The following GPC6 variants were observed in gnomAD, a reference collection of about 807,000 sequenced individuals.
GPC6 encodes glypican 6.
GPC6 carries 14 observed loss-of-function variants against 55.2 expected under a neutral mutation model. The observed-to-expected ratio is 0.25, with a 90% CI of 0.17 to 0.40. GPC6 has a LOEUF of 0.40. GPC6 is among the 10% of genes least tolerant of loss of function. The pLI is 1.00. For missense variants in GPC6, 641 were observed against 708.5 expected (o/e 0.90, Z 1.08); for synonymous variants, 278 against 259.6 (o/e 1.07, Z -0.68).
intron 1 of GPC6, among the ~76,000 whole-genome samples, chr13:93,347,694 C>A (rs913841230): frequency 7.2e-5 from 11 of 152,160 alleles, no homozygotes; most frequent in Admixed American, 7.2e-4. Flanking sequence ...CATTCTGCAG[C>A]CTGCAAGCTT....
intron 3 of GPC6, among the ~76,000 whole-genome samples, chr13:93,965,958 C>T (rs985759890): frequency 2.6e-5 from 4 of 152,102 alleles, no homozygotes; most frequent in Non-Finnish European, 2.9e-5. Flanking sequence ...GCCCTCTTCC[C>T]GCAGCCCAGC....
intron 2 of GPC6, among the ~76,000 whole-genome samples, chr13:93,758,742 A>G (rs574451746): frequency 3.6e-4 from 54 of 152,112 alleles, no homozygotes; most frequent in East Asian, 7.7e-4. Flanking sequence ...TTCAAACACC[A>G]TAGAAGTTGA....
chr13:94,048,561 A>G (rs1298934178), intron 4 of GPC6, among the ~76,000 whole-genome samples: 1 of 152,020 alleles, frequency 6.6e-6, no homozygotes, highest in Non-Finnish European at 1.5e-5. Flanking sequence ...TTGAAGCTTC[A>G]TTAGCCATTT....
intron 2 of GPC6, among the ~76,000 whole-genome samples, chr13:93,668,970 T>A (rs1881251622): frequency 6.6e-6 from 1 of 152,182 alleles, no homozygotes; most frequent in Non-Finnish European, 1.5e-5. Flanking sequence ...ATAAGATAAT[T>A]CTTCATTTTG....
chr13:93,379,193 A>G (rs142535960), intron 1 of GPC6, among the ~76,000 whole-genome samples: 15 of 152,288 alleles, frequency 9.8e-5, no homozygotes, highest in East Asian at 5.8e-4. Flanking sequence ...AGCTAGGACT[A>G]CATAGCCCAG....
intron 2 of GPC6, among the ~76,000 whole-genome samples, chr13:93,743,890 G>A (rs1054163381): frequency 5.9e-5 from 9 of 152,064 alleles, no homozygotes; most frequent in African/African-American, 1.9e-4. Context: ...GAAATACTGA[G>A]CAGAAGGTTT....
At chr13:94,397,413 AT>A (rs2139227132) in intron 7 of GPC6, among the ~76,000 whole-genome samples, 1 of 152,280 alleles carries the variant, frequency 6.6e-6, no homozygotes, top group Non-Finnish European at 1.5e-5. Context: ...CAATTTTGAC[AT>A]TTTGGTACAA....
chr13:94,200,297 G>A (rs1218408942), intron 4 of GPC6, among the ~76,000 whole-genome samples: 1 of 152,188 alleles, frequency 6.6e-6, no homozygotes, highest in Non-Finnish European at 1.5e-5. Context: ...TAACTTCAAG[G>A]TATTTTAGGT....
At chr13:93,464,278 T>C (rs972796987) in intron 1 of GPC6, among the ~76,000 whole-genome samples, 6 of 152,150 alleles carry the variant, frequency 3.9e-5, no homozygotes, top group African/African-American at 1.4e-4. Context: ...ACAGTGAAGT[T>C]TGTTGCATTG....
intron 4 of GPC6, among the ~76,000 whole-genome samples, chr13:94,246,616 C>T (rs1206632114): frequency 6.6e-6 from 1 of 152,030 alleles, no homozygotes; most frequent in Non-Finnish European, 1.5e-5. Context: ...CAAGGAGACT[C>T]TACTTTCTCC....
intron 3 of GPC6, among the ~76,000 whole-genome samples, chr13:93,900,530 A>G (rs1876286388): frequency 6.6e-6 from 1 of 152,192 alleles, no homozygotes; most frequent in South Asian, 2.1e-4. Context: ...TCTTACATAA[A>G]GAAATCACCA....
At chr13:93,382,502 T>A (rs566396466) in intron 1 of GPC6, among the ~76,000 whole-genome samples, 8 of 152,268 alleles carry the variant, frequency 5.3e-5, no homozygotes, top group African/African-American at 1.9e-4. Context: ...AGATTTATAT[T>A]ATTATTATTT....
intron 2 of GPC6, among the ~76,000 whole-genome samples, chr13:93,734,557 TTTA>T (rs1231719834): frequency 6.6e-6 from 1 of 152,182 alleles, no homozygotes; most frequent in African/African-American, 2.4e-5. Context: ...TCATTGCTTT[TTTA>T]TCCAAGTAGA....
At chr13:93,960,210 A>G (rs1170238598) in intron 3 of GPC6, among the ~76,000 whole-genome samples, 1 of 152,206 alleles carries the variant, frequency 6.6e-6, no homozygotes, top group Non-Finnish European at 1.5e-5. Flanking sequence ...GAAGAACTAT[A>G]TTAATATGGT....
chr13:94,227,919 A>G (rs893265193), intron 4 of GPC6, among the ~76,000 whole-genome samples: 1 of 152,188 alleles, frequency 6.6e-6, no homozygotes, highest in Admixed American at 6.5e-5. Flanking sequence ...AACACACGGT[A>G]TTTCACTCTC....
chr13:94,101,568 T>C (rs965046966), intron 4 of GPC6, among the ~76,000 whole-genome samples: 1 of 152,206 alleles, frequency 6.6e-6, no homozygotes, highest in Non-Finnish European at 1.5e-5. Flanking sequence ...ATGATTTAGA[T>C]ATTCTCCTTA....
chr13:93,340,463 T>C (rs184940605), intron 1 of GPC6, among the ~76,000 whole-genome samples: 1 of 152,280 alleles, frequency 6.6e-6, no homozygotes, highest in Admixed American at 6.5e-5. Flanking sequence ...CAATAGATAA[T>C]TGAATAAATA....
At chr13:94,147,933 GTAAAGT>G (rs1887617926) in intron 4 of GPC6, among the ~76,000 whole-genome samples, 1 of 152,210 alleles carries the variant, frequency 6.6e-6, no homozygotes, top group African/African-American at 2.4e-5. Flanking sequence ...CCAGTTTGAT[GTAAAGT>G]TATTTTACTC....
At chr13:93,958,651 T>C (rs769463107) in intron 3 of GPC6, among the ~76,000 whole-genome samples, 1 of 152,222 alleles carries the variant, frequency 6.6e-6, no homozygotes. Flanking sequence ...TTTGTTCTTT[T>C]TGCTTGGGGT....
Sources: allele counts gnomAD v4.1 joint callset (sites outside exome capture counted in the v4.1 genomes callset), GRCh38; gene constraint gnomAD v4.1.1; transcripts MANE v1.5; gene names NCBI Gene and HGNC (gene_info 2026-07-23, HGNC 2026-07-21).